The following AGFG1 variants were observed in gnomAD, a reference collection of about 807,000 sequenced individuals.
AGFG1 encodes the protein arf-GAP domain and FG repeat-containing protein 1.
In AGFG1, 10 loss-of-function variants were observed where a neutral mutation model predicts 60.6. That is an observed-to-expected ratio of 0.16 (90% confidence interval 0.10 to 0.28). The LOEUF (loss-of-function observed/expected upper bound fraction) is 0.28, where lower values mean the gene tolerates loss of function less well. Among genes scored for constraint, AGFG1 ranks in the 10% least tolerant of loss-of-function variants. AGFG1 has a pLI of 1.00. For missense variants in AGFG1, 537 were observed against 676.5 expected (o/e 0.79, Z 2.29); for synonymous variants, 247 against 242.9 (o/e 1.02, Z -0.16).
chr2:227,528,218 A>G (rs1025428967), intron 5 of AGFG1, among the ~76,000 whole-genome samples: 3 of 152,182 alleles, frequency 2.0e-5, no homozygotes, highest in African/African-American at 7.2e-5. Context: ...AACTGGCGTA[A>G]TTTTTATATG....
chr2:227,545,657 C>T (rs1158121212), intron 10 of AGFG1, among the ~76,000 whole-genome samples: 1 of 152,106 alleles, frequency 6.6e-6, no homozygotes, highest in South Asian at 2.1e-4. Context: ...GTGTGGGTGT[C>T]CTTTTTTTTG....
At chr2:227,522,022 T>A (rs1358274222) in intron 3 of AGFG1, among the ~76,000 whole-genome samples, 1 of 152,174 alleles carries the variant, frequency 6.6e-6, no homozygotes, top group East Asian at 1.9e-4. Context: ...GTGAAATTGG[T>A]TTCTAACATG....
chr2:227,491,585 C>T lies in AGFG1; in HGVS notation c.206C>T (p.Ser69Phe). 1 of 1,565,990 alleles carries T rather than the reference C, an allele frequency of 6.4e-7. No homozygotes were observed. Among genetic ancestry groups the T allele is most frequent in the Non-Finnish European group, 8.6e-7 (1 of 1,158,770 alleles). Reference sequence around the variant, plus strand: ...CCACCACACAGGGTGAAATCTATCTCCATGACAACATTCACACAACAGGAA... The same window carrying T: ...CCACCACACAGGGTGAAATCTATCTTCATGACAACATTCACACAACAGGAA... The part of the protein sequence containing the change: ...LNPPHRVKSI[S>F]MTTFTQQEIE... The change falls in exon 2 of 13, where the codon TCC (serine) becomes TTC (phenylalanine). Residue 69 changes from serine to phenylalanine, a missense_variant. This residue lies in a region of AGFG1 where 120 missense variants were observed against 198.5 expected (regional missense o/e 0.60). Transcript: ENST00000310078.
chr2:227,490,681 C>T lies in AGFG1; in HGVS notation c.168-866C>T, dbSNP rs540323891. Among the ~76,000 whole-genome samples the T allele has an allele frequency of 4.2e-4, 64 of 151,968 alleles. 1 individual carries two copies. Among genetic ancestry groups the T allele is most frequent in the African/African-American group, 1.5e-3 (61 of 41,416 alleles). On this transcript the variant is annotated intron_variant, in intron 1 of 12. Coordinates refer to ENST00000310078, the MANE Select transcript of AGFG1 (RefSeq NM_004504.5). ...CCCAAAGTAGTTCTGTGGAACTTTG[C>T]GTAGGTTACTTGGTATTTTGCATAG... is the stretch of plus-strand genomic sequence containing the variant.
At chr2:227,508,533 T>C (rs571871485) in intron 2 of AGFG1, 45 of 452,108 alleles carry the variant, frequency 1.0e-4, no homozygotes, top group African/African-American at 9.0e-4. Flanking sequence ...TGTGTACATC[T>C]ATATGTGAGG....
At chr2:227,509,233 T>C (rs1280911996) in intron 2 of AGFG1, among the ~76,000 whole-genome samples, 1 of 152,168 alleles carries the variant, frequency 6.6e-6, no homozygotes, top group African/African-American at 2.4e-5. Flanking sequence ...GTCACTTACA[T>C]AGTATCTTCC....
At chr2:227,530,691 A>G (rs1313295919) in intron 5 of AGFG1, among the ~76,000 whole-genome samples, 2 of 149,932 alleles carry the variant, frequency 1.3e-5, no homozygotes, top group Admixed American at 1.3e-4. Flanking sequence ...TCAGATTCAC[A>G]TAGTTGATTA....
At chr2:227,516,674 G>A (rs190914342) in intron 2 of AGFG1, among the ~76,000 whole-genome samples, 4 of 152,302 alleles carry the variant, frequency 2.6e-5, no homozygotes, top group East Asian at 1.9e-4. Context: ...TTTGCTTTGC[G>A]TTACGAGTGC....
chr2:227,476,230 T>C (rs1690277175), intron 1 of AGFG1, among the ~76,000 whole-genome samples: 1 of 152,238 alleles, frequency 6.6e-6, no homozygotes, highest in African/African-American at 2.4e-5. Context: ...GGTTTGTCAC[T>C]ATCTTTCACT....
intron 8 of AGFG1, 114 bp from the exon 9 acceptor site, chr2:227,536,511 T>TTGA: frequency 1.3e-6 from 1 of 754,228 alleles, no homozygotes. Flanking sequence ...TTTCTTTGTG[T>TTGA]TGATACTGAT....
intron 2 of AGFG1, among the ~76,000 whole-genome samples, chr2:227,509,596 C>T (rs1316228350): frequency 6.6e-6 from 1 of 151,946 alleles, no homozygotes; most frequent in Non-Finnish European, 1.5e-5. Context: ...TTAAATGGTT[C>T]ATTAAAAAAA....
intron 1 of AGFG1, among the ~76,000 whole-genome samples, chr2:227,474,904 A>G (rs1690234596): frequency 6.6e-6 from 1 of 152,202 alleles, no homozygotes; most frequent in African/African-American, 2.4e-5. Context: ...AACAGTGAGG[A>G]TAAGATTTCC....
chr2:227,479,256 A>G (rs950109767), intron 1 of AGFG1, among the ~76,000 whole-genome samples: 7 of 152,210 alleles, frequency 4.6e-5, no homozygotes, highest in Non-Finnish European at 7.3e-5. Context: ...TCATTTGACC[A>G]TAACTGAGTA....
chr2:227,516,881 C>G, intron 2 of AGFG1, among the ~76,000 whole-genome samples: 1 of 152,100 alleles, frequency 6.6e-6, no homozygotes, highest in Non-Finnish European at 1.5e-5. Flanking sequence ...TACCCTGTCT[C>G]TTGTTTTCTC....
chr2:227,491,339 TAA>T (rs748233089), intron 1 of AGFG1, among the ~76,000 whole-genome samples: 2 of 152,200 alleles, frequency 1.3e-5, no homozygotes, highest in African/African-American at 2.4e-5. Flanking sequence ...AATTTATTGT[TAA>T]GTCTATTATT....
At chr2:227,491,334 ATTG>A (rs1690809974) in intron 1 of AGFG1, among the ~76,000 whole-genome samples, 1 of 152,162 alleles carries the variant, frequency 6.6e-6, no homozygotes, top group South Asian at 2.1e-4. Context: ...AATTGAATTT[ATTG>A]TTAAGTCTAT....
rs1485178328 is a variant in AGFG1, at chr2:227,559,763, C to CA, written c.*5271dup. On this transcript the variant is annotated 3_prime_UTR_variant, in exon 13 of 13. Transcript: ENST00000310078. ...TTCTTGAGTGGAGAGACAGAGGAAG[C>CA]AAACGCCAAGGAGCCTTCTAATTTT... 4 of 152,106 alleles carry CA rather than the reference C, an allele frequency of 2.6e-5. No individual in the cohort carries two copies. The highest frequency in any genetic ancestry group is 5.9e-5 in the Non-Finnish European group (4 of 67,990). 9.4% of individuals were successfully genotyped at this position (152,106 alleles called of 1,614,324 possible).
intron 1 of AGFG1, among the ~76,000 whole-genome samples, chr2:227,475,814 T>C (rs1690266070): frequency 6.6e-6 from 1 of 152,208 alleles, no homozygotes; most frequent in African/African-American, 2.4e-5. Flanking sequence ...TATTTACTTA[T>C]TGAGCACATA....
intron 2 of AGFG1, among the ~76,000 whole-genome samples, chr2:227,505,448 G>T (rs1006131075): frequency 6.6e-6 from 1 of 151,992 alleles, no homozygotes; most frequent in Non-Finnish European, 1.5e-5. Context: ...GATTCCAATT[G>T]CATGGATGTT....
Sources: gnomAD v4.1 joint callset for allele counts (sites outside exome capture counted in the v4.1 genomes callset) on GRCh38, gnomAD v4.1.1 for gene constraint, gnomAD v4.1.1 regional missense constraint, MANE v1.5 for transcripts, NCBI Gene and HGNC (gene_info 2026-07-23, HGNC 2026-07-21) for gene names.